Variants in RGS5 observed in about 807,000 individuals in gnomAD.
RGS5 encodes the protein regulator of G protein signaling 5.
Under a neutral mutation model 18.9 loss-of-function variants are expected in RGS5, and 20 were observed. The observed-to-expected ratio is 1.06, with a 90% CI of 0.74 to 1.54. RGS5 has a LOEUF of 1.54. Among genes scored for constraint, RGS5 ranks in the 40% most tolerant of loss-of-function variants. RGS5 has a pLI of 0.00. For synonymous variants in RGS5, 57 were observed against 76.2 expected, an observed-to-expected ratio of 0.75 and a Z score of 1.31; for missense variants, 201 against 211.8, an observed-to-expected ratio of 0.95 and a Z score of 0.32.
At chr1:163,292,095 T>A (rs529089623) in intron 2 of RGS5, among the ~76,000 whole-genome samples, 2 of 152,320 alleles carry the variant, frequency 1.3e-5, no homozygotes, top group Non-Finnish European at 1.5e-5. Context: ...GATGGTTTGC[T>A]GCACAGATCA....
intron 1 of RGS5, among the ~76,000 whole-genome samples, chr1:163,193,266 T>C (rs966494442): frequency 6.6e-6 from 1 of 152,158 alleles, no homozygotes; most frequent in African/African-American, 2.4e-5. Context: ...ACATGGAGAA[T>C]ATAGAATAAA....
chr1:163,181,243 A>G lies in RGS5; in HGVS notation c.45-12875T>C, dbSNP rs73024765. Among the ~76,000 whole-genome samples, 1,447 of 152,048 alleles carry G rather than the reference A, an allele frequency of 9.5e-3. 19 individuals carry two copies. Among genetic ancestry groups the G allele is most frequent in the African/African-American group, 0.033 (1,376 of 41,462 alleles). Reference sequence around the variant, plus strand: ...TCCTCAGCTGCTAACCTTATTTCCCATTATTCTCCACAACCACATGTACAC... The same window carrying G: ...TCCTCAGCTGCTAACCTTATTTCCCGTTATTCTCCACAACCACATGTACAC... On this transcript the variant is annotated intron_variant, in intron 1 of 4. Transcript: ENST00000313961.
chr1:163,151,750 C>T (rs563285475), intron 4 of RGS5, among the ~76,000 whole-genome samples: 2 of 152,306 alleles, frequency 1.3e-5, no homozygotes, highest in African/African-American at 2.4e-5. Context: ...AATTAAACCT[C>T]TTTCCTTTAT....
rs5778319 is a variant in RGS5, at chr1:163,167,063, T to TAA, written c.155+1193_155+1194dup. Among the ~76,000 whole-genome samples, 5 of 151,880 alleles carry TAA rather than the reference T, an allele frequency of 3.3e-5. No individual in the cohort carries two copies. The East Asian group carries it at 5.8e-4, about 18-fold the overall frequency. ...CCTGTTTAGAATCACTTTGAAGTAA[T>TAA]AAAAAAAGGAGGAATGGAAATATTC... On this transcript the variant is annotated intron_variant, in intron 2 of 4. Coordinates refer to ENST00000313961, the MANE Select transcript of RGS5 (RefSeq NM_003617.4).
At chr1:163,301,086 A>AT (rs1320925468) in intron 2 of RGS5, among the ~76,000 whole-genome samples, 4 of 152,198 alleles carry the variant, frequency 2.6e-5, no homozygotes, top group Admixed American at 2.6e-4. Context: ...GTGATAATTC[A>AT]TTTTTGAAAG....
rs572794749 is a variant in RGS5, at chr1:163,173,467, C to T, written c.45-5099G>A. 4.5e-4 allele frequency among the ~76,000 whole-genome samples: 69 copies of T among 152,252 alleles called. No individual in the cohort carries two copies. In the South Asian group the frequency reaches 6.5e-3, roughly 14 times the overall value. ...GGCTGGGAAGTCAAAACTCAAAAGG[C>T]CACGGACCACCTCAGTCCTTCCTGC... is the stretch of plus-strand genomic sequence containing the variant. On this transcript the variant is annotated intron_variant, in intron 1 of 4. Transcript: ENST00000313961.
At chr1:163,295,649 A>C (rs1162573152) in intron 2 of RGS5, among the ~76,000 whole-genome samples, 1 of 152,126 alleles carries the variant, frequency 6.6e-6, no homozygotes, top group Non-Finnish European at 1.5e-5. Context: ...CTCTCTTTCC[A>C]AGATTCTTTA....
intron 3 of RGS5, 195 bp downstream of exon 3, chr1:163,161,720 C>T: frequency 5.8e-6 from 3 of 513,768 alleles, no homozygotes; most frequent in Non-Finnish European, 1.1e-5. Flanking sequence ...CACATTCCCT[C>T]ATAGTGCCAC....
intron 3 of RGS5, among the ~76,000 whole-genome samples, chr1:163,161,247 A>G (rs1657786435): frequency 6.6e-6 from 1 of 152,202 alleles, no homozygotes; most frequent in Non-Finnish European, 1.5e-5. Flanking sequence ...AGTTATGGTG[A>G]TCTTGAACAT....
intron 1 of RGS5, among the ~76,000 whole-genome samples, chr1:163,310,078 T>A (rs1346171779): frequency 6.6e-6 from 1 of 152,206 alleles, no homozygotes; most frequent in African/African-American, 2.4e-5. Context: ...AACCATGCTT[T>A]AAATAGATGT....
At position 163,199,147 on chromosome 1, in the gene RGS5, G is replaced by A. The variant is rs183257283; in HGVS notation, c.44+3645C>T. Among the ~76,000 whole-genome samples, 8 of 152,144 alleles carry A rather than the reference G, an allele frequency of 5.3e-5. No homozygotes were observed. In the East Asian group the frequency reaches 5.8e-4, roughly 11 times the overall value. On this transcript the variant is annotated intron_variant, in intron 1 of 4. Coordinates refer to ENST00000313961, the MANE Select transcript of RGS5 (RefSeq NM_003617.4). ...TAAAAATAAGGTATTAAATTGACGC[G>A]ACTCTTTTCTTTTTCATTGACAGTA...
Position 163,225,938 on chromosome 1 carries a change from G to C in RGS5, c.-280-57570C>G, listed in dbSNP as rs1380939882. Among the ~76,000 whole-genome samples, 3 of 137,648 alleles carry C rather than the reference G, an allele frequency of 2.2e-5. No individual in the cohort carries two copies. The East Asian group carries it at 6.3e-4, about 29-fold the overall frequency. 90.3% of individuals were successfully genotyped at this position (137,648 alleles called of 152,430 possible). A position where few individuals can be genotyped will look rare whatever the true frequency, so the allele number is the denominator to read the frequency against. The stretch of plus-strand genomic sequence containing the variant: ...ATCACAAGTAATTTTTTTTTTTTTT[G>C]AGACAGAATTTGGCTCTTGTTGCCC... On this transcript the variant is annotated intron_variant, in intron 2 of 5. Coordinates refer to the RGS5 transcript ENST00000618415.
At chr1:163,265,299 C>G (rs1213867845) in intron 2 of RGS5, among the ~76,000 whole-genome samples, 1 of 152,092 alleles carries the variant, frequency 6.6e-6, no homozygotes, top group Non-Finnish European at 1.5e-5. Flanking sequence ...TTTGAGCCTA[C>G]AATCTTAACA....
At chr1:163,156,043 C>G (rs1393273226) in intron 3 of RGS5, among the ~76,000 whole-genome samples, 1 of 152,122 alleles carries the variant, frequency 6.6e-6, no homozygotes, top group African/African-American at 2.4e-5. Context: ...GAGCATTAGA[C>G]AAATCCAAGT....
At chr1:163,287,612 C>T (rs1279164175) in intron 2 of RGS5, among the ~76,000 whole-genome samples, 1 of 152,170 alleles carries the variant, frequency 6.6e-6, no homozygotes, top group East Asian at 1.9e-4. Flanking sequence ...ACTTATTAGT[C>T]CTTTTGGGCC....
chr1:163,242,803 C>G (rs921574062), intron 2 of RGS5, among the ~76,000 whole-genome samples: 3 of 152,144 alleles, frequency 2.0e-5, no homozygotes, highest in Non-Finnish European at 4.4e-5. Flanking sequence ...ATTACATTTT[C>G]TATAGGGAAC....
At chr1:163,314,803 C>G (rs1447207402) in intron 1 of RGS5, among the ~76,000 whole-genome samples, 1 of 152,144 alleles carries the variant, frequency 6.6e-6, no homozygotes, top group Non-Finnish European at 1.5e-5. Context: ...CAACAAAGCT[C>G]ATTCATGCCT....
intron 1 of RGS5, among the ~76,000 whole-genome samples, chr1:163,208,555 A>G (rs1350432497): frequency 3.4e-5 from 5 of 146,322 alleles, no homozygotes; most frequent in African/African-American, 5.0e-5. Flanking sequence ...AGTCAGAAGT[A>G]AGACCTAACT....
chr1:163,232,369 T>C (rs1647504848), intron 2 of RGS5, among the ~76,000 whole-genome samples: 1 of 152,194 alleles, frequency 6.6e-6, no homozygotes, highest in South Asian at 2.1e-4. Context: ...ATCTGATATA[T>C]TTCTGGTATA....
Sources: gnomAD v4.1 joint callset for allele counts (sites outside exome capture counted in the v4.1 genomes callset) on GRCh38, gnomAD v4.1.1 for gene constraint, MANE v1.5 for transcripts, NCBI Gene and HGNC (gene_info 2026-07-23, HGNC 2026-07-21) for gene names.